The following KLHL20 variants were observed in gnomAD, a reference collection of about 807,000 sequenced individuals.
KLHL20 encodes kelch-like protein 20.
A neutral mutation model predicts 69.5 loss-of-function variants in KLHL20; 29 were observed. That is an observed-to-expected ratio of 0.42 (90% CI 0.31 to 0.57). KLHL20 has a LOEUF of 0.57. Ranked by LOEUF, KLHL20 falls within the 20% of genes least tolerant of loss-of-function variation. KLHL20 has a pLI of 0.18. For synonymous variants in KLHL20, 253 were observed against 265.2 expected (o/e 0.95, Z 0.45); for missense variants, 419 against 776.0 (o/e 0.54, Z 5.47).
At chr1:173,782,835 TTTTATAATTTCACATAAA>T in intron 11 of KLHL20, among the ~76,000 whole-genome samples, 1 of 152,334 alleles carries the variant, frequency 6.6e-6, no homozygotes, top group South Asian at 2.1e-4. Flanking sequence ...GTTAAGTAGT[TTTTATAATTTCACATAAA>T]TTAGGTGACT....
At chr1:173,781,933 T>C in intron 10 of KLHL20, 191 bp from the exon 11 acceptor site, 1 of 494,958 alleles carries the variant, frequency 2.0e-6, no homozygotes, top group Non-Finnish European at 3.6e-6. Context: ...AATATTCTAA[T>C]TGAATATATA....
At chr1:173,748,637 T>C (rs568018147) in intron 3 of KLHL20, among the ~76,000 whole-genome samples, 1 of 152,230 alleles carries the variant, frequency 6.6e-6, no homozygotes, top group South Asian at 2.1e-4. Flanking sequence ...CAAAACAATA[T>C]GCTAAATTAG....
chr1:173,727,207 A>AG (rs1164035717), intron 2 of KLHL20, among the ~76,000 whole-genome samples: 1 of 146,866 alleles, frequency 6.8e-6, no homozygotes, highest in Non-Finnish European at 1.5e-5. Flanking sequence ...AAAAAGAATG[A>AG]AAAAAAAAAA....
chr1:173,785,162 G>T lies in KLHL20; in HGVS notation c.1746-1G>T. 6.2e-7 allele frequency: 1 copy of T among 1,609,726 alleles called. No individual in the cohort carries two copies. Among genetic ancestry groups the T allele is most frequent in the Non-Finnish European group, 8.5e-7 (1 of 1,178,144 alleles). On this transcript the variant is annotated splice_acceptor_variant, in intron 11 of 11. Coordinates refer to ENST00000209884, the MANE Select transcript of KLHL20 (RefSeq NM_014458.4). LOFTEE classifies it high-confidence loss of function. ...ATATGATTATGTTTCTTTCTTTGCAGGTTATATGGCGGGATGAATTACCGT... is the reference window on the plus strand; with the variant it reads ...ATATGATTATGTTTCTTTCTTTGCATGTTATATGGCGGGATGAATTACCGT...
At chr1:173,728,127 AC>A (rs1193877644) in intron 2 of KLHL20, among the ~76,000 whole-genome samples, 1 of 152,218 alleles carries the variant, frequency 6.6e-6, no homozygotes, top group Non-Finnish European at 1.5e-5. Flanking sequence ...CTTTAAACCA[AC>A]AAAGATCAAA....
At chr1:173,727,991 G>A (rs972334742) in intron 2 of KLHL20, among the ~76,000 whole-genome samples, 9 of 152,262 alleles carry the variant, frequency 5.9e-5, no homozygotes, top group East Asian at 1.9e-4. Context: ...TCAGTGTGCT[G>A]TATTCAGGAA....
chr1:173,733,176 C>G (rs1004174960), intron 2 of KLHL20, among the ~76,000 whole-genome samples: 5 of 151,886 alleles, frequency 3.3e-5, no homozygotes, highest in African/African-American at 1.2e-4. Context: ...TGTGCCACCA[C>G]ACACGGCTAA....
intron 3 of KLHL20, among the ~76,000 whole-genome samples, chr1:173,734,751 T>C (rs973156814): frequency 1.3e-5 from 2 of 152,190 alleles, no homozygotes; most frequent in Non-Finnish European, 2.9e-5. Context: ...CTTTCCCTTA[T>C]TTATTTAACA....
intron 2 of KLHL20, among the ~76,000 whole-genome samples, chr1:173,731,425 C>T (rs1442733675): frequency 6.6e-6 from 1 of 152,070 alleles, no homozygotes; most frequent in Non-Finnish European, 1.5e-5. Flanking sequence ...CACGTATGTT[C>T]ATTGTGGCAC....
At chr1:173,737,417 T>C (rs1367815634) in intron 3 of KLHL20, among the ~76,000 whole-genome samples, 1 of 152,246 alleles carries the variant, frequency 6.6e-6, no homozygotes, top group Admixed American at 6.5e-5. Flanking sequence ...GAGATGAAGA[T>C]TCAGTTTCAT....
At chr1:173,761,122 G>A (rs1481027296) in intron 7 of KLHL20, among the ~76,000 whole-genome samples, 4 of 152,122 alleles carry the variant, frequency 2.6e-5, no homozygotes, top group Non-Finnish European at 4.4e-5. Flanking sequence ...AAGCAACAGT[G>A]GTTAAAAGAG....
intron 3 of KLHL20, among the ~76,000 whole-genome samples, chr1:173,740,208 G>A (rs1385766706): frequency 1.3e-5 from 2 of 148,592 alleles, no homozygotes; most frequent in Non-Finnish European, 3.0e-5. Context: ...TGCAAGCTCC[G>A]CCTTCTGGGT....
At position 173,733,782 on chromosome 1, in the gene KLHL20, C is replaced by A. The variant is rs1049916259; in HGVS notation, c.93C>A (p.Asn31Lys). ...GCCGCTGCACCCTTGGAGACCCCAACAAACTGCCAGAAGGGGTTCCCCAAC... is the reference window on the plus strand; with the variant it reads ...GCCGCTGCACCCTTGGAGACCCCAAAAAACTGCCAGAAGGGGTTCCCCAAC... The part of the protein sequence containing the change: ...VTSRCTLGDP[N>K]KLPEGVPQPA... Residue 31 changes from asparagine (N) to lysine (K), a missense_variant, in exon 3 of 12, where the codon AAC becomes AAA. By Grantham distance (94) the Asn-to-Lys change is moderately conservative. Transcript: ENST00000209884. 1 of 1,614,176 alleles carries A rather than the reference C, an allele frequency of 6.2e-7. No homozygotes were observed. The highest frequency in any genetic ancestry group is 8.5e-7 in the Non-Finnish European group (1 of 1,180,034).
chr1:173,736,002 C>T (rs1355971931), intron 3 of KLHL20, among the ~76,000 whole-genome samples: 5 of 139,066 alleles, frequency 3.6e-5, no homozygotes, highest in East Asian at 2.2e-4. Context: ...TGGAGTGCAA[C>T]GGGGCTCAAT....
chr1:173,725,092 A>AG (rs1365527541), intron 2 of KLHL20, among the ~76,000 whole-genome samples: 205 of 152,020 alleles, frequency 1.3e-3, no homozygotes, highest in African/African-American at 4.7e-3. Context: ...AAAAAAAAAA[A>AG]TCTGTATTTG....
At chr1:173,731,848 AAAACTT>A (rs1411156569) in intron 2 of KLHL20, among the ~76,000 whole-genome samples, 1 of 152,172 alleles carries the variant, frequency 6.6e-6, no homozygotes, top group African/African-American at 2.4e-5. Flanking sequence ...CATGTACCCT[AAAACTT>A]AAAGTATAAT....
chr1:173,763,144 T>A (rs1223843979), intron 7 of KLHL20, among the ~76,000 whole-genome samples: 4 of 150,586 alleles, frequency 2.7e-5, no homozygotes, highest in East Asian at 2.0e-4. Flanking sequence ...CAAAAAAAAA[T>A]AAAATACTTA....
intron 7 of KLHL20, among the ~76,000 whole-genome samples, chr1:173,765,407 G>A (rs1192949403): frequency 2.6e-5 from 4 of 152,172 alleles, no homozygotes; most frequent in South Asian, 2.1e-4. Flanking sequence ...GGAGGCTGAC[G>A]CAGGAGAATG....
chr1:173,755,337 C>A (rs556912823), intron 5 of KLHL20, among the ~76,000 whole-genome samples: 2 of 152,198 alleles, frequency 1.3e-5, no homozygotes, highest in African/African-American at 2.4e-5. Flanking sequence ...GGATTACAGG[C>A]GTGAGCCACT....
Sources: allele counts gnomAD v4.1 joint callset (sites outside exome capture counted in the v4.1 genomes callset), GRCh38; gene constraint gnomAD v4.1.1; transcripts MANE v1.5; gene names NCBI Gene and HGNC (gene_info 2026-07-23, HGNC 2026-07-21).